The following RIMBP2 variants were observed in gnomAD, a reference collection of about 807,000 sequenced individuals.
RIMBP2 encodes the protein RIMS-binding protein 2.
Under a neutral mutation model 118.6 loss-of-function variants are expected in RIMBP2, and 48 were observed. The ratio of observed to expected loss-of-function variants is 0.40; its 90% confidence interval spans 0.32 to 0.51. The LOEUF (loss-of-function observed/expected upper bound fraction) is 0.51, where lower values mean the gene tolerates loss of function less well. Among genes scored for constraint, RIMBP2 ranks in the 20% least tolerant of loss-of-function variants. RIMBP2 has a pLI of 0.41. For missense variants in RIMBP2, 1,551 were observed against 1,768.3 expected, an observed-to-expected ratio of 0.88 and a Z score of 2.20; for synonymous variants, 762 against 742.9, an observed-to-expected ratio of 1.03 and a Z score of -0.42.
intron 1 of RIMBP2, among the ~76,000 whole-genome samples, chr12:130,697,743 G>T (rs564862773): frequency 6.6e-5 from 10 of 152,272 alleles, no homozygotes; most frequent in African/African-American, 2.4e-4. Context: ...GATCGCCTGA[G>T]TCCAGGAAGT....
chr12:130,626,975 C>T (rs1566396772), intron 2 of RIMBP2, among the ~76,000 whole-genome samples: 1 of 151,890 alleles, frequency 6.6e-6, no homozygotes, highest in Admixed American at 6.6e-5. Flanking sequence ...GCCAGCATCA[C>T]CATCATCTTC....
chr12:130,684,884 C>T (rs6486569), intron 1 of RIMBP2, among the ~76,000 whole-genome samples: 57,986 of 152,000 alleles, frequency 0.38, 15,638 homozygotes, highest in African/African-American at 0.76. Flanking sequence ...TTCACCCCTT[C>T]ACTTCTTCAT....
chr12:130,681,428 C>T (rs566609001), intron 1 of RIMBP2, among the ~76,000 whole-genome samples: 1 of 152,216 alleles, frequency 6.6e-6, no homozygotes, highest in East Asian at 1.9e-4. Flanking sequence ...GTTTTTAGTT[C>T]CAGAATTTTT....
Position 130,469,518 on chromosome 12 carries a change from T to C in RIMBP2, c.153+1175A>G, listed in dbSNP as rs1450667362. 7.2e-5 allele frequency among the ~76,000 whole-genome samples: 11 copies of C among 152,294 alleles called. No homozygotes were observed. The highest frequency in any genetic ancestry group is 1.3e-4 in the Admixed American group (2 of 15,304). The stretch of plus-strand genomic sequence containing the variant: ...TATTTTCCAGGGAGATAAATGGCCA[T>C]TTGGAGGTCTGTTTCTATTCTCCCA... On this transcript the variant is annotated intron_variant, in intron 6 of 22. Transcript: ENST00000690449. The surrounding 1 kb of genome is among the most constrained non-coding windows in gnomAD (Gnocchi z 4.8).
chr12:130,488,660 C>A (rs2082680608), intron 4 of RIMBP2, among the ~76,000 whole-genome samples: 1 of 151,332 alleles, frequency 6.6e-6, no homozygotes, highest in Non-Finnish European at 1.5e-5. Flanking sequence ...ATCAATGTTT[C>A]TTTCTATCAC....
rs541211243 is a variant in RIMBP2, at chr12:130,446,323, C to T, written c.582-1054G>A. Reference sequence around the variant, plus strand: ...TGCAGTTTACCAACACTTTCATACACGTTTTATTCGATGGCCATTAAATGT... The same window carrying T: ...TGCAGTTTACCAACACTTTCATACATGTTTTATTCGATGGCCATTAAATGT... On this transcript the variant is annotated intron_variant, in intron 9 of 22. Coordinates refer to ENST00000690449, the MANE Select transcript of RIMBP2 (RefSeq NM_001393629.1). The surrounding 1 kb of genome is among the most constrained non-coding windows in gnomAD (Gnocchi z 4.1). 7.9e-5 allele frequency among the ~76,000 whole-genome samples: 12 copies of T among 152,280 alleles called. No homozygotes were observed. The highest frequency in any genetic ancestry group is 4.6e-4 in the Admixed American group (7 of 15,292).
intron 1 of RIMBP2, among the ~76,000 whole-genome samples, chr12:130,693,404 C>T (rs545598023): frequency 6.6e-6 from 1 of 151,636 alleles, no homozygotes; most frequent in South Asian, 2.1e-4. Context: ...GATGGGGGGT[C>T]GCCTTGAGGA....
chr12:130,561,704 G>A (rs1311070274), intron 2 of RIMBP2, among the ~76,000 whole-genome samples: 1 of 152,042 alleles, frequency 6.6e-6, no homozygotes, highest in Non-Finnish European at 1.5e-5. Context: ...TTAAATTAAG[G>A]GATGAACATT....
chr12:130,506,369 C>T (rs771734496), intron 4 of RIMBP2, among the ~76,000 whole-genome samples: 88 of 152,188 alleles, frequency 5.8e-4, no homozygotes, highest in Non-Finnish European at 1.0e-3. Flanking sequence ...CATTCAGGAG[C>T]GGTGTGCCTG....
At chr12:130,443,116 G>T (rs1419382246) in intron 10 of RIMBP2, among the ~76,000 whole-genome samples, 1 of 151,808 alleles carries the variant, frequency 6.6e-6, no homozygotes, top group Non-Finnish European at 1.5e-5. Flanking sequence ...TATGATTTTT[G>T]ATTAAGAATT....
At chr12:130,445,124 A>G in intron 10 of RIMBP2, 36 bp downstream of exon 10, 1 of 1,434,692 alleles carries the variant, frequency 7.0e-7, no homozygotes, top group Non-Finnish European at 9.6e-7. Context: ...GGACTGGCCC[A>G]GCCTACGTCC....
At chr12:130,708,153 A>G (rs1398086558) in intron 1 of RIMBP2, among the ~76,000 whole-genome samples, 2 of 152,188 alleles carry the variant, frequency 1.3e-5, no homozygotes, top group Admixed American at 1.3e-4. Context: ...CATGTGTAGT[A>G]TGATTCTGTT....
chr12:130,427,544 G>A lies in RIMBP2; in HGVS notation c.2412+635C>T, dbSNP rs12422482. Reference sequence around the variant, plus strand: ...ACCCTCCTTGGCTCTAGGGTGCCTCGAGCTCAATATTCCTGCAGGTAACTG... The same window carrying A: ...ACCCTCCTTGGCTCTAGGGTGCCTCAAGCTCAATATTCCTGCAGGTAACTG... On this transcript the variant is annotated intron_variant, in intron 15 of 22. Coordinates refer to ENST00000690449, the MANE Select transcript of RIMBP2 (RefSeq NM_001393629.1). 1,518 of 152,394 alleles carry A rather than the reference G, an allele frequency of 1.0e-2. 65 individuals carry two copies. Among genetic ancestry groups the A allele is most frequent in the Admixed American group, 0.077 (1,183 of 15,304 alleles). 9.4% of individuals were successfully genotyped at this position (152,394 alleles called of 1,614,324 possible).
chr12:130,544,596 CTTTTTTTTTTTT>C (rs35041449), intron 2 of RIMBP2, among the ~76,000 whole-genome samples: 1 of 100,498 alleles, frequency 1.0e-5, no homozygotes, highest in Admixed American at 1.2e-4. Context: ...AACTGGAGGC[CTTTTTTTTTTTT>C]TTTTTTTTTG....
At chr12:130,574,041 G>C (rs1045340093) in intron 2 of RIMBP2, among the ~76,000 whole-genome samples, 3 of 152,146 alleles carry the variant, frequency 2.0e-5, no homozygotes, top group Non-Finnish European at 4.4e-5. Context: ...TTCACATCGA[G>C]GGATTATCAC....
At chr12:130,561,075 G>A (rs986619445) in intron 2 of RIMBP2, among the ~76,000 whole-genome samples, 3 of 152,290 alleles carry the variant, frequency 2.0e-5, no homozygotes, top group Admixed American at 6.5e-5. Flanking sequence ...AGAGATCAGG[G>A]TGATGCTTCT....
intron 7 of RIMBP2, among the ~76,000 whole-genome samples, chr12:130,454,080 G>T (rs973572038): frequency 1.3e-5 from 2 of 152,050 alleles, no homozygotes; most frequent in Non-Finnish European, 1.5e-5. Context: ...AAAACAAAAT[G>T]CTGGATTATA....
chr12:130,504,822 G>A (rs888081159), intron 4 of RIMBP2, among the ~76,000 whole-genome samples: 6 of 152,230 alleles, frequency 3.9e-5, no homozygotes, highest in East Asian at 3.9e-4. Flanking sequence ...GGATCTGCGC[G>A]TGGGAGAGGG....
intron 2 of RIMBP2, among the ~76,000 whole-genome samples, chr12:130,599,257 T>G (rs1206396806): frequency 3.3e-5 from 5 of 152,180 alleles, no homozygotes; most frequent in African/African-American, 1.2e-4. Flanking sequence ...CAGAACAAAC[T>G]GGTAAATTAG....
Sources: gnomAD v4.1 joint callset for allele counts (sites outside exome capture counted in the v4.1 genomes callset) on GRCh38, gnomAD v4.1.1 for gene constraint, Gnocchi (gnomAD v3.1) non-coding constraint, MANE v1.5 for transcripts, NCBI Gene and HGNC (gene_info 2026-07-23, HGNC 2026-07-21) for gene names.